Variants in PDE6A observed in about 807,000 individuals in gnomAD.
PDE6A encodes the protein rod cGMP-specific 3',5'-cyclic phosphodiesterase subunit alpha.
Under a neutral mutation model 106.3 loss-of-function variants are expected in PDE6A, and 84 were observed. The observed-to-expected ratio is 0.79, with a 90% CI of 0.66 to 0.95. PDE6A has a LOEUF of 0.95. Ranked by LOEUF, PDE6A falls within the 40% of genes least tolerant of loss-of-function variation. PDE6A has a pLI of 0.00. For missense variants in PDE6A, 1,052 were observed against 1,084.9 expected (o/e 0.97, Z 0.43); for synonymous variants, 394 against 386.6 (o/e 1.02, Z -0.23).
intron 13 of PDE6A, among the ~76,000 whole-genome samples, chr5:149,892,695 G>A (rs1375194741): frequency 9.9e-5 from 15 of 151,916 alleles, no homozygotes. Flanking sequence ...TTCACAGGCT[G>A]ACCTCGAACT....
At chr5:149,868,307 G>A in intron 17 of PDE6A, 149 bp from the exon 18 acceptor site, 1 of 766,156 alleles carries the variant, frequency 1.3e-6, no homozygotes, top group Non-Finnish European at 2.2e-6. Context: ...GCATCCAGGG[G>A]TTGGGCTTTG....
intron 17 of PDE6A, among the ~76,000 whole-genome samples, chr5:149,870,771 C>CAAA (rs3078093): frequency 5.7e-4 from 37 of 64,382 alleles, no homozygotes; most frequent in Non-Finnish European, 8.0e-4. Context: ...GAACACAGGG[C>CAAA]AAAAAAAAAA....
At position 149,863,283 on chromosome 5, in the gene PDE6A, G is replaced by T; in HGVS notation, c.2359-17C>A. Reference sequence around the variant, plus strand: ...GGAGAATTCCTAGAAGAGAGAGTATGTGCCTCTGGTGCAAGGGCCAGGCCA... The same window carrying T: ...GGAGAATTCCTAGAAGAGAGAGTATTTGCCTCTGGTGCAAGGGCCAGGCCA... On this transcript the variant is annotated splice_polypyrimidine_tract_variant and intron_variant, in intron 20 of 21. Coordinates refer to ENST00000255266, the MANE Select transcript of PDE6A (RefSeq NM_000440.3). The surrounding 1 kb of genome is among the most constrained non-coding windows in gnomAD (Gnocchi z 4.7). 3 of 1,613,956 alleles carry T rather than the reference G, an allele frequency of 1.9e-6. No individual in the cohort carries two copies. The highest frequency in any genetic ancestry group is 2.5e-6 in the Non-Finnish European group (3 of 1,179,854).
rs2277925 is a variant in PDE6A at position 149,944,343 on chromosome 5, T to G, written c.331A>C (p.Arg111=). The G allele has an allele frequency of 0.18, 285,240 of 1,613,916 alleles. 28,001 individuals carry two copies. The highest frequency in any genetic ancestry group is 0.34 in the African/African-American group (25,576 of 74,940). ...GCATCCTTGTGGACATTGAAAAGCC[T>G]GGTGGCCAGCTCTGCGATGCCATTG... ...TRNGIAELAT[R]LFNVHKDAVL... The change falls in exon 1 of 22, where the codon AGG becomes CGG. Residue 111 remains arginine, a synonymous_variant. Coordinates refer to ENST00000255266, the MANE Select transcript of PDE6A (RefSeq NM_000440.3).
intron 6 of PDE6A, among the ~76,000 whole-genome samples, chr5:149,908,515 C>G (rs915713832): frequency 6.6e-6 from 1 of 152,132 alleles, no homozygotes; most frequent in African/African-American, 2.4e-5. Context: ...GTGGTGAGGT[C>G]TAGTGGTATC....
At chr5:149,915,151 C>T in intron 5 of PDE6A, 144 bp from the exon 6 acceptor site, 1 of 590,146 alleles carries the variant, frequency 1.7e-6, no homozygotes, top group Non-Finnish European at 3.0e-6. Flanking sequence ...TCTTCTGCCT[C>T]AGCCTCCCGA....
Position 149,868,154 on chromosome 5 carries a change from TGGCCCTG to T in PDE6A, c.2136-3_2139del. 1 of 1,614,190 alleles carries T rather than the reference TGGCCCTG, an allele frequency of 6.2e-7. No homozygotes were observed. The highest frequency in any genetic ancestry group is 8.5e-7 in the Non-Finnish European group (1 of 1,180,012). On this transcript the variant is annotated splice_acceptor_variant and splice_polypyrimidine_tract_variant and coding_sequence_variant and intron_variant, in exon 18 of 22. Coordinates refer to ENST00000255266, the MANE Select transcript of PDE6A (RefSeq NM_000440.3). LOFTEE classifies it high-confidence loss of function. ...GAGAGATCACAGGCGGTCATCATCA[TGGCCCTG>T]GGCACACAGGACACCCTCTATCAGT...
chr5:149,888,508 A>C (rs1752406421), intron 13 of PDE6A, among the ~76,000 whole-genome samples: 1 of 147,444 alleles, frequency 6.8e-6, no homozygotes. Flanking sequence ...ATAACTAATA[A>C]TTAATATATT....
chr5:149,928,292 G>C (rs1753929674), intron 4 of PDE6A, among the ~76,000 whole-genome samples: 2 of 129,160 alleles, frequency 1.5e-5, no homozygotes, highest in Admixed American at 1.8e-4. Context: ...GGAGTGCAGT[G>C]AGTGGCACAA....
chr5:149,879,740 A>G lies in PDE6A; in HGVS notation c.2135+3689T>C, dbSNP rs189682439. On this transcript the variant is annotated intron_variant, in intron 17 of 21. Transcript: ENST00000255266. ...GATTTCCAATTTCATCCATGTCCCTACAAAGGACATGAACTCAACATTTTT... is the reference window on the plus strand; with the variant it reads ...GATTTCCAATTTCATCCATGTCCCTGCAAAGGACATGAACTCAACATTTTT... Among the ~76,000 whole-genome samples the G allele has an allele frequency of 3.6e-3, 542 of 151,954 alleles. 3 individuals are homozygous for G. The highest frequency in any genetic ancestry group is 0.011 in the African/African-American group (449 of 41,418).
chr5:149,882,106 G>T (rs1404114759), intron 17 of PDE6A, among the ~76,000 whole-genome samples: 3 of 148,100 alleles, frequency 2.0e-5, no homozygotes, highest in African/African-American at 7.6e-5. Context: ...TGTCCAGGGG[G>T]GCAGCTCCTG....
At chr5:149,883,601 A>G in intron 16 of PDE6A, 65 bp from the exon 17 acceptor site, 1 of 1,056,414 alleles carries the variant, frequency 9.5e-7, no homozygotes, top group Non-Finnish European at 1.5e-6. Context: ...TGAGCTGCTA[A>G]CATTGGCTGA....
rs372071574 is a variant in PDE6A at position 149,904,778 on chromosome 5, G to GAGA, written c.1066-1084_1066-1083insTCT. Among the ~76,000 whole-genome samples, 910 of 152,196 alleles carry GAGA rather than the reference G, an allele frequency of 6.0e-3. 6 individuals carry two copies. Among genetic ancestry groups the GAGA allele is most frequent in the African/African-American group, 0.02 (838 of 41,538 alleles). ...ACCAACTCTATCAGTTACTATCATT[G>GAGA]TCTCCTGATCTCAGAGTTCTTGGAG... On this transcript the variant is annotated intron_variant, in intron 7 of 21. Coordinates refer to ENST00000255266, the MANE Select transcript of PDE6A (RefSeq NM_000440.3).
rs1490076998 is a variant in PDE6A at position 149,858,051 on chromosome 5, ACT to A, written c.*2842_*2843del. 14 of 152,246 alleles carry A rather than the reference ACT, an allele frequency of 9.2e-5. No homozygotes were observed. The highest frequency in any genetic ancestry group is 1.9e-4 in the Non-Finnish European group (13 of 68,018). The allele number at this position is 152,246 out of a possible 1,614,324, so 9.4% of individuals were successfully genotyped here. On this transcript the variant is annotated 3_prime_UTR_variant, in exon 22 of 22. Coordinates refer to ENST00000255266, the MANE Select transcript of PDE6A (RefSeq NM_000440.3). The stretch of plus-strand genomic sequence containing the variant: ...ATAAATACAGAATGTGGGAAAACTG[ACT>A]CTGTTTCTGCAAGGTGATGACAATG...
At chr5:149,892,344 C>T (rs1418171632) in intron 13 of PDE6A, among the ~76,000 whole-genome samples, 1 of 151,980 alleles carries the variant, frequency 6.6e-6, no homozygotes, top group Admixed American at 6.5e-5. Context: ...AATGTTTTTC[C>T]CTTGTGAGGA....
chr5:149,943,787 G>A (rs1025787961), intron 1 of PDE6A, among the ~76,000 whole-genome samples: 6 of 150,226 alleles, frequency 4.0e-5, no homozygotes, highest in Admixed American at 2.7e-4. Flanking sequence ...TGGAAGTACT[G>A]TGTAGAAGTA....
intron 3 of PDE6A, among the ~76,000 whole-genome samples, chr5:149,933,076 T>C (rs1165234654): frequency 1.3e-5 from 2 of 152,174 alleles, no homozygotes; most frequent in Admixed American, 1.3e-4. Context: ...CACTGTAGTC[T>C]CCAACTCCCG....
chr5:149,863,149 TCTC>T lies in PDE6A; in HGVS notation c.2473_2475del (p.Glu825del), dbSNP rs768518846. ...TTGGCCGACTGCTGTTTCTGCTTCT[TCTC>T]CTCCTGCACCTTCATCTTGGCATCG... On this transcript the variant is annotated inframe_deletion, in exon 21 of 22. Transcript: ENST00000255266. The surrounding 1 kb of genome is among the most constrained non-coding windows in gnomAD (Gnocchi z 4.7). 17 of 1,614,016 alleles carry T rather than the reference TCTC, an allele frequency of 1.1e-5. No homozygotes were observed. The highest frequency in any genetic ancestry group is 4.5e-5 in the East Asian group (2 of 44,900).
chr5:149,899,296 G>T lies in PDE6A; in HGVS notation c.1263+79C>A, dbSNP rs184007144. Reference sequence around the variant, plus strand: ...TAGCAACCAGGTTGCTGCCCCATGTGATAGCGCAGTGACACCCAGCCTCCC... The same window carrying T: ...TAGCAACCAGGTTGCTGCCCCATGTTATAGCGCAGTGACACCCAGCCTCCC... On this transcript the variant is annotated intron_variant, in intron 9 of 21. Coordinates refer to ENST00000255266, the MANE Select transcript of PDE6A (RefSeq NM_000440.3). The T allele has an allele frequency of 8.4e-6, 12 of 1,436,078 alleles. No individual in the cohort carries two copies. The Admixed American group carries it at 1.7e-4, about 20-fold the overall frequency. The allele number at this position is 1,436,078 out of a possible 1,614,324, so 89.0% of individuals were successfully genotyped here.
Sources: gnomAD v4.1 joint callset for allele counts (sites outside exome capture counted in the v4.1 genomes callset) on GRCh38, gnomAD v4.1.1 for gene constraint, Gnocchi (gnomAD v3.1) non-coding constraint, MANE v1.5 for transcripts, NCBI Gene and HGNC (gene_info 2026-07-23, HGNC 2026-07-21) for gene names.